Variants in NDUFA9 observed in about 807,000 individuals in gnomAD.
NDUFA9 encodes NADH dehydrogenase [ubiquinone] 1 alpha subcomplex subunit 9, mitochondrial.
A neutral mutation model predicts 45.9 loss-of-function variants in NDUFA9; 23 were observed. That is an observed-to-expected ratio of 0.50 (90% confidence interval 0.36 to 0.71). The LOEUF (loss-of-function observed/expected upper bound fraction) is 0.71. NDUFA9 is among the 30% of genes least tolerant of loss of function. NDUFA9 has a pLI of 0.00. For missense variants in NDUFA9, 466 were observed against 488.2 expected (o/e 0.95, Z 0.43); for synonymous variants, 176 against 170.5 (o/e 1.03, Z -0.25).
Position 4,692,555 on chromosome 12 carries a change from G to A in NDUFA9, c.*5447G>A, listed in dbSNP as rs978638637. The A allele has an allele frequency of 3.3e-5, 5 of 152,168 alleles. No homozygotes were observed. Among genetic ancestry groups the A allele is most frequent in the Non-Finnish European group, 5.9e-5 (4 of 68,030 alleles). 9.4% of individuals were successfully genotyped at this position (152,168 alleles called of 1,614,324 possible). A position where few individuals can be genotyped will look rare whatever the true frequency, so the allele number is the denominator to read the frequency against. The stretch of plus-strand genomic sequence containing the variant: ...ATAGCAATACAAGAATGGCCTAATC[G>A]TGTTAGGAAGAAGCCTGTCTGAAGT... On this transcript the variant is annotated 3_prime_UTR_variant, in exon 11 of 11. Coordinates refer to ENST00000266544, the MANE Select transcript of NDUFA9 (RefSeq NM_005002.5).
At chr12:4,671,716 G>A (rs534553135) in intron 8 of NDUFA9, among the ~76,000 whole-genome samples, 4 of 152,182 alleles carry the variant, frequency 2.6e-5, no homozygotes, top group South Asian at 4.1e-4. Flanking sequence ...AAGAATTGAC[G>A]TATAGATGAA....
chr12:4,682,150 A>G, intron 8 of NDUFA9, 55 bp from the exon 9 acceptor site: 2 of 1,328,576 alleles, frequency 1.5e-6, no homozygotes, highest in African/African-American at 1.5e-5. Context: ...TTTGTTATAA[A>G]GGAAACTTTG....
chr12:4,694,218 A>G lies in NDUFA9; in HGVS notation c.*7110A>G, dbSNP rs1290412595. 1 of 152,216 alleles carries G rather than the reference A, an allele frequency of 6.6e-6. No homozygotes were observed. Among genetic ancestry groups the G allele is most frequent in the African/African-American group, 2.4e-5 (1 of 41,462 alleles). 9.4% of individuals were successfully genotyped at this position (152,216 alleles called of 1,614,324 possible). ...GACCTCCTTCCCCAGTTTTGCTTCT[A>G]TTAGCACATTTATTTCAGTAATTTT... On this transcript the variant is annotated 3_prime_UTR_variant, in exon 11 of 11. Transcript: ENST00000266544.
chr12:4,658,884 C>G, intron 4 of NDUFA9, 152 bp from the exon 5 acceptor site: 1 of 787,930 alleles, frequency 1.3e-6, no homozygotes, highest in South Asian at 1.9e-5. Context: ...GCCACCACAC[C>G]TGGCCAAATT....
At chr12:4,654,771 A>G (rs777871822) in intron 2 of NDUFA9, 54 bp from the exon 3 acceptor site, 1 of 1,323,880 alleles carries the variant, frequency 7.6e-7, no homozygotes, top group Non-Finnish European at 1.1e-6. Flanking sequence ...ACAATTGTAT[A>G]ATATATCCAC....
rs4147680 is a variant in NDUFA9, at chr12:4,658,732, A to G, written c.411-304A>G. On this transcript the variant is annotated intron_variant, in intron 4 of 10. Coordinates refer to ENST00000266544, the MANE Select transcript of NDUFA9 (RefSeq NM_005002.5). ...TCAACTTTTTTAAAAAAATAATTTT[A>G]GCTTAAAAAAATTAAAAATTTTTTT... is the stretch of plus-strand genomic sequence containing the variant. Among the ~76,000 whole-genome samples, 39,131 of 151,920 alleles carry G rather than the reference A, an allele frequency of 0.26. 5,138 individuals carry two copies. The highest frequency in any genetic ancestry group is 0.38 in the Middle Eastern group (110 of 288).
At chr12:4,676,903 C>T (rs1213521942) in intron 8 of NDUFA9, among the ~76,000 whole-genome samples, 3 of 152,186 alleles carry the variant, frequency 2.0e-5, no homozygotes, top group African/African-American at 7.2e-5. Flanking sequence ...TCAAACTATA[C>T]TACAAGGCTA....
chr12:4,664,626 C>G (rs1422701909), intron 6 of NDUFA9, among the ~76,000 whole-genome samples: 1 of 152,136 alleles, frequency 6.6e-6, no homozygotes. Context: ...CCCCCTGGAA[C>G]CTTTGAGGTG....
At chr12:4,671,813 T>C (rs1022135989) in intron 8 of NDUFA9, among the ~76,000 whole-genome samples, 1 of 152,166 alleles carries the variant, frequency 6.6e-6, no homozygotes, top group Non-Finnish European at 1.5e-5. Context: ...GGGGAAAGGA[T>C]AGTCTTTTCA....
chr12:4,672,852 A>G (rs1052686533), intron 8 of NDUFA9, among the ~76,000 whole-genome samples: 3 of 152,236 alleles, frequency 2.0e-5, no homozygotes, highest in Non-Finnish European at 4.4e-5. Flanking sequence ...AGAAAGCAGC[A>G]GATCTCCCAG....
chr12:4,665,746 G>GTTT (rs10657164), intron 6 of NDUFA9, among the ~76,000 whole-genome samples: 10,862 of 143,846 alleles, frequency 0.076, 453 homozygotes, highest in Middle Eastern at 0.11. Context: ...GTTATTTTCT[G>GTTT]TTTTTTTTTT....
At chr12:4,681,438 T>C (rs1490236978) in intron 8 of NDUFA9, among the ~76,000 whole-genome samples, 1 of 150,680 alleles carries the variant, frequency 6.6e-6, no homozygotes, top group Non-Finnish European at 1.5e-5. Flanking sequence ...CAAAAATTCG[T>C]GAAGAAATGA....
At chr12:4,666,423 C>G (rs1456444792) in intron 6 of NDUFA9, among the ~76,000 whole-genome samples, 1 of 152,066 alleles carries the variant, frequency 6.6e-6, no homozygotes, top group East Asian at 1.9e-4. Context: ...ACTTTTGTTG[C>G]CTGTGCTTTT....
chr12:4,661,611 G>C (rs1324213345), intron 5 of NDUFA9, among the ~76,000 whole-genome samples: 2 of 151,722 alleles, frequency 1.3e-5, no homozygotes, highest in East Asian at 3.9e-4. Context: ...ATTGGCAAGA[G>C]AGTGATGAGA....
rs372744145 is a variant in NDUFA9 at position 4,687,926 on chromosome 12, A to G, written c.*818A>G. On this transcript the variant is annotated 3_prime_UTR_variant, in exon 11 of 11. Coordinates refer to ENST00000266544, the MANE Select transcript of NDUFA9 (RefSeq NM_005002.5). ...AGCCAACATACCACCATCCTAGGTG[A>G]CCCAGGGTTGGTCATTGTGTTTCAC... 3.3e-5 allele frequency: 5 copies of G among 152,366 alleles called. No homozygotes were observed. In the South Asian group the frequency reaches 6.2e-4, roughly 19 times the overall value. 9.4% of individuals were successfully genotyped at this position (152,366 alleles called of 1,614,324 possible). A position where few individuals can be genotyped will look rare whatever the true frequency, so the allele number is the denominator to read the frequency against.
chr12:4,650,039 G>T (rs1033187383), intron 1 of NDUFA9, among the ~76,000 whole-genome samples: 8 of 152,042 alleles, frequency 5.3e-5, no homozygotes, highest in Non-Finnish European at 7.3e-5. Flanking sequence ...TATTTTAGTC[G>T]TTACAGAATA....
rs71579255 is a variant in NDUFA9 at position 4,682,367 on chromosome 12, C to A, written c.896+67C>A. On this transcript the variant is annotated intron_variant, in intron 9 of 10. Coordinates refer to ENST00000266544, the MANE Select transcript of NDUFA9 (RefSeq NM_005002.5). ...GCTCCACACACTTGTTCCTAATGTT[C>A]TCCCTTAGGGTTATAGGGTGTGTGA... The A allele has an allele frequency of 7.1e-5, 87 of 1,218,466 alleles. No homozygotes were observed. The African/African-American group carries it at 8.3e-4, about 12-fold the overall frequency. 75.5% of individuals were successfully genotyped at this position (1,218,466 alleles called of 1,614,324 possible). A position where few individuals can be genotyped will look rare whatever the true frequency, so the allele number is the denominator to read the frequency against.
chr12:4,661,588 G>C (rs1396304267), intron 5 of NDUFA9, among the ~76,000 whole-genome samples: 1 of 151,702 alleles, frequency 6.6e-6, no homozygotes, highest in Non-Finnish European at 1.5e-5. Flanking sequence ...AAAGGGACAA[G>C]GTAGTTTACA....
In NDUFA9 at chr12:4,649,134, C is replaced by T. The variant is rs756216768; in HGVS notation, c.8C>T (p.Ala3Val). Reference protein sequence around the residue: MAAAAQSRVVRVL... With the variant: MAVAAQSRVVRVL... ...GGGGGATTGTGGGAAAAGATGGCGG[C>T]TGCCGCACAATCCCGGGTTGTCCGG... The change falls in exon 1 of 11, where the codon GCT becomes GTT. Residue 3 changes from alanine (A) to valine (V), a missense_variant. Physicochemically the swap from Ala to Val is moderately conservative, Grantham distance 64. Coordinates refer to ENST00000266544, the MANE Select transcript of NDUFA9 (RefSeq NM_005002.5). The T allele has an allele frequency of 2.5e-6, 4 of 1,604,562 alleles. No homozygotes were observed. In the Admixed American group the frequency reaches 6.8e-5, roughly 27 times the overall value.
Sources: gnomAD v4.1 joint callset for allele counts (sites outside exome capture counted in the v4.1 genomes callset) on GRCh38, gnomAD v4.1.1 for gene constraint, MANE v1.5 for transcripts, NCBI Gene and HGNC (gene_info 2026-07-23, HGNC 2026-07-21) for gene names.